The following HIPK2 variants were observed in gnomAD, a reference collection of about 807,000 sequenced individuals.
The protein encoded by HIPK2 is homeodomain-interacting protein kinase 2.
HIPK2 carries 27 observed loss-of-function variants against 113.7 expected under a neutral mutation model. The ratio of observed to expected loss-of-function variants is 0.24; its 90% confidence interval spans 0.17 to 0.33. The LOEUF (loss-of-function observed/expected upper bound fraction) is 0.33. HIPK2 is among the 10% of genes least tolerant of loss of function. The pLI, the probability that HIPK2 is intolerant of heterozygous loss-of-function variation, is 1.00. For synonymous variants in HIPK2, 631 were observed against 642.2 expected (o/e 0.98, Z 0.26); for missense variants, 1,257 against 1,588.0 (o/e 0.79, Z 3.54).
intron 2 of HIPK2, among the ~76,000 whole-genome samples, chr7:139,637,834 C>T (rs1800862138): frequency 1.3e-5 from 2 of 152,128 alleles, no homozygotes; most frequent in Non-Finnish European, 2.9e-5. Flanking sequence ...AAGGTTTGGG[C>T]ATGAGGGGGC....
chr7:139,725,506 A>C (rs978690872), intron 1 of HIPK2, among the ~76,000 whole-genome samples: 3 of 152,244 alleles, frequency 2.0e-5, no homozygotes, highest in Non-Finnish European at 2.9e-5. Context: ...AAAGCAATAA[A>C]TAACCACCAG....
intron 1 of HIPK2, among the ~76,000 whole-genome samples, chr7:139,752,078 G>A (rs1037981561): frequency 6.6e-6 from 1 of 152,176 alleles, no homozygotes; most frequent in Non-Finnish European, 1.5e-5. Flanking sequence ...AAAATCAATT[G>A]TAACTGCTCT....
intron 2 of HIPK2, among the ~76,000 whole-genome samples, chr7:139,700,413 A>C (rs1011073964): frequency 6.6e-6 from 1 of 152,224 alleles, no homozygotes; most frequent in African/African-American, 2.4e-5. Context: ...CAGAGCTATG[A>C]TGACGGTCAC....
intron 1 of HIPK2, among the ~76,000 whole-genome samples, chr7:139,765,808 C>G (rs979006666): frequency 6.6e-6 from 1 of 152,182 alleles, no homozygotes; most frequent in Non-Finnish European, 1.5e-5. Flanking sequence ...TGCCTCCCCC[C>G]TTCTGCCCCA....
intron 1 of HIPK2, among the ~76,000 whole-genome samples, chr7:139,720,696 T>C (rs1795382094): frequency 6.6e-6 from 1 of 152,238 alleles, no homozygotes; most frequent in African/African-American, 2.4e-5. Context: ...TTCAGTAACT[T>C]AGCCACTGAA....
intron 1 of HIPK2, among the ~76,000 whole-genome samples, chr7:139,729,548 G>C (rs1795708290): frequency 6.6e-6 from 1 of 152,182 alleles, no homozygotes; most frequent in Admixed American, 6.5e-5. Flanking sequence ...CATCGAGGAG[G>C]AGCCCCGGCT....
chr7:139,763,884 T>C (rs571157343), intron 1 of HIPK2, among the ~76,000 whole-genome samples: 22 of 152,366 alleles, frequency 1.4e-4, no homozygotes, highest in Admixed American at 1.1e-3. Context: ...TCAGCTCTTA[T>C]ACTATAAACA....
At chr7:139,597,074 A>T in intron 11 of HIPK2, 76 bp from the exon 12 acceptor site, 1 of 1,464,864 alleles carries the variant, frequency 6.8e-7, no homozygotes. Context: ...CCAATTGCCT[A>T]GAAACACCTG....
chr7:139,771,957 T>C (rs141794201), intron 1 of HIPK2, among the ~76,000 whole-genome samples: 19 of 152,302 alleles, frequency 1.2e-4, no homozygotes, highest in East Asian at 7.7e-4. Context: ...ATCAGGTTAA[T>C]AGAATACTGG....
At chr7:139,599,987 GTGA>G (rs1325208407) in intron 11 of HIPK2, among the ~76,000 whole-genome samples, 1 of 152,124 alleles carries the variant, frequency 6.6e-6, no homozygotes, top group Non-Finnish European at 1.5e-5. Flanking sequence ...TCCTCCAGGT[GTGA>G]TATCTGATCA....
chr7:139,703,325 T>A (rs919128954), intron 2 of HIPK2, among the ~76,000 whole-genome samples: 28 of 152,178 alleles, frequency 1.8e-4, no homozygotes, highest in African/African-American at 6.8e-4. Flanking sequence ...AATGTTTGAC[T>A]TTCACAAGTG....
intron 9 of HIPK2, among the ~76,000 whole-genome samples, chr7:139,612,844 A>C (rs1051094872): frequency 6.6e-6 from 1 of 152,154 alleles, no homozygotes; most frequent in African/African-American, 2.4e-5. Flanking sequence ...ACTCATTTCT[A>C]TTTTACAAGA....
chr7:139,572,764 G>GCCCCCCCCCCCCCCCCCCCCCC lies in HIPK2; in HGVS notation c.*162_*163insGGGGGGGGGGGGGGGGGGGGGG, dbSNP rs71170903. On this transcript the variant is annotated 3_prime_UTR_variant, in exon 15 of 15. Transcript: ENST00000406875. ...GTCCCGACCCGTCCCCCTGCCCTCT[G>GCCCCCCCCCCCCCCCCCCCCCC]CCCCCCCCCCCCCCCCCGCCCCTGC... 6 of 29,328 alleles carry GCCCCCCCCCCCCCCCCCCCCCC rather than the reference G, an allele frequency of 2.0e-4. 1 individual carries two copies. Among genetic ancestry groups the GCCCCCCCCCCCCCCCCCCCCCC allele is most frequent in the Admixed American group, 6.0e-4 (1 of 1,654 alleles). The allele number at this position is 29,328 out of a possible 1,614,324, so 1.8% of individuals were successfully genotyped here.
chr7:139,597,143 T>C, intron 11 of HIPK2, 145 bp from the exon 12 acceptor site: 1 of 832,106 alleles, frequency 1.2e-6, no homozygotes, highest in Non-Finnish European at 1.8e-6. Flanking sequence ...CATCTGTGAC[T>C]GGGAAAGGGA....
chr7:139,648,468 G>A (rs1257845905), intron 2 of HIPK2, among the ~76,000 whole-genome samples: 1 of 152,172 alleles, frequency 6.6e-6, no homozygotes, highest in Non-Finnish European at 1.5e-5. Context: ...GGGAAACGAC[G>A]TTGCGGCTTT....
At chr7:139,769,245 G>A (rs577610080) in intron 1 of HIPK2, among the ~76,000 whole-genome samples, 1 of 151,914 alleles carries the variant, frequency 6.6e-6, no homozygotes, top group African/African-American at 2.4e-5. Context: ...CCAACTCCAC[G>A]GCCGCAGTGC....
chr7:139,773,742 C>A (rs1796692533), intron 1 of HIPK2, among the ~76,000 whole-genome samples: 1 of 152,112 alleles, frequency 6.6e-6, no homozygotes, highest in Admixed American at 6.5e-5. Flanking sequence ...TGAGGCAGAC[C>A]CTGGCTTGTG....
At chr7:139,695,563 C>A (rs976187211) in intron 2 of HIPK2, among the ~76,000 whole-genome samples, 43 of 152,002 alleles carry the variant, frequency 2.8e-4, no homozygotes, top group African/African-American at 1.0e-3. Context: ...TTCAAGAGGC[C>A]AGGGGAAAGC....
At chr7:139,598,266 T>C (rs961888358) in intron 11 of HIPK2, among the ~76,000 whole-genome samples, 8 of 152,216 alleles carry the variant, frequency 5.3e-5, no homozygotes, top group Non-Finnish European at 1.0e-4. Flanking sequence ...TTAGAGATTC[T>C]AGCACCTTCT....
Sources: allele counts gnomAD v4.1 joint callset (sites outside exome capture counted in the v4.1 genomes callset), GRCh38; gene constraint gnomAD v4.1.1; transcripts MANE v1.5; gene names NCBI Gene and HGNC (gene_info 2026-07-23, HGNC 2026-07-21).